The following MID1 variants were observed in gnomAD, a reference collection of about 807,000 sequenced individuals.
MID1 encodes the protein E3 ubiquitin-protein ligase Midline-1.
In MID1, 7 loss-of-function variants were observed where a neutral mutation model predicts 40.4. The ratio of observed to expected loss-of-function variants is 0.17; its 90% CI spans 0.10 to 0.33. The LOEUF (loss-of-function observed/expected upper bound fraction) is 0.33. Ranked by LOEUF, MID1 falls within the 10% of genes least tolerant of loss-of-function variation. MID1 has a pLI of 1.00. For synonymous variants in MID1, 229 were observed against 221.2 expected (o/e 1.04, Z -0.31); for missense variants, 367 against 558.5 (o/e 0.66, Z 3.46).
At chrX:10,722,794 C>T (rs946808256) in intron 1 of MID1, among the ~76,000 whole-genome samples, 8 of 111,902 alleles carry the variant, frequency 7.1e-5, no homozygotes, top group African/African-American at 2.3e-4. Flanking sequence ...TTGGGAGCCC[C>T]GGTCGGAACT....
chrX:10,577,184 G>C (rs1320073175), intron 1 of MID1, among the ~76,000 whole-genome samples: 3 of 111,770 alleles, frequency 2.7e-5, no homozygotes, highest in African/African-American at 9.8e-5. Flanking sequence ...TTCCTTACAG[G>C]GACCAGCAGC....
At chrX:10,692,706 T>C (rs183036600) in intron 1 of MID1, among the ~76,000 whole-genome samples, 1 of 112,301 alleles carries the variant, frequency 8.9e-6, no homozygotes, top group Non-Finnish European at 1.9e-5. Flanking sequence ...TTACAGCATA[T>C]ATCACATTGA....
In MID1 at chrX:10,709,370, C is replaced by T. The variant is rs746204112; in HGVS notation, c.-186-88951G>A. Among the ~76,000 whole-genome samples, 4 of 112,125 alleles carry T rather than the reference C, an allele frequency of 3.6e-5. No homozygotes were observed. The South Asian group carries it at 1.5e-3, about 42-fold the overall frequency. ...TTAGCTGATGGTATCTTTCCTTTTC[C>T]ACTGTTAGAAATATCATGTGTGCAA... On this transcript the variant is annotated intron_variant, in intron 1 of 10. Transcript: ENST00000380785.
At chrX:10,633,905 A>C (rs1000244705) in intron 1 of MID1, among the ~76,000 whole-genome samples, 2 of 111,463 alleles carry the variant, frequency 1.8e-5, no homozygotes, top group Non-Finnish European at 3.8e-5. Context: ...AATGTGAGAC[A>C]TTGTTATTTG....
intron 1 of MID1, among the ~76,000 whole-genome samples, chrX:10,638,373 C>A (rs183089409): frequency 1.8e-5 from 2 of 112,164 alleles, no homozygotes; most frequent in Non-Finnish European, 3.8e-5. Flanking sequence ...GCGCATGGCT[C>A]GGAGGGTCCC....
At chrX:10,546,698 T>C (rs775417250) in intron 2 of MID1, among the ~76,000 whole-genome samples, 2 of 111,783 alleles carry the variant, frequency 1.8e-5, no homozygotes, top group South Asian at 7.6e-4. Flanking sequence ...CTTTATTTCA[T>C]AAAATCCCTT....
chrX:10,803,630 C>T (rs1178561888), intron 1 of MID1, among the ~76,000 whole-genome samples: 2 of 111,596 alleles, frequency 1.8e-5, no homozygotes, highest in Non-Finnish European at 3.8e-5. Flanking sequence ...GGATTACAGG[C>T]GTGAGCCACC....
At chrX:10,730,221 G>A (rs1276068215) in intron 1 of MID1, among the ~76,000 whole-genome samples, 3 of 111,202 alleles carry the variant, frequency 2.7e-5, no homozygotes, top group South Asian at 3.8e-4. Context: ...AAATCTGGAT[G>A]CCCAATTTTT....
chrX:10,720,870 A>G (rs2043347606), intron 1 of MID1, among the ~76,000 whole-genome samples: 1 of 110,304 alleles, frequency 9.1e-6, no homozygotes, highest in South Asian at 4.0e-4. Flanking sequence ...ATGCAGCCAT[A>G]AAAAATGATG....
At chrX:10,536,117 C>G (rs1933242181) in intron 2 of MID1, among the ~76,000 whole-genome samples, 1 of 110,321 alleles carries the variant, frequency 9.1e-6, no homozygotes, top group South Asian at 3.9e-4. Context: ...CCCAGCAACT[C>G]CGGAGGATGA....
chrX:10,709,112 G>A (rs1403619872), intron 1 of MID1, among the ~76,000 whole-genome samples: 2 of 112,035 alleles, frequency 1.8e-5, no homozygotes, highest in Admixed American at 1.9e-4. Flanking sequence ...TACATCTGAT[G>A]GGGAGACATT....
intron 1 of MID1, among the ~76,000 whole-genome samples, chrX:10,590,848 T>A (rs1209874912): frequency 3.6e-5 from 4 of 112,266 alleles, no homozygotes; most frequent in Non-Finnish European, 1.9e-5. Context: ...TTATCCCTTA[T>A]CCCCAAGGGA....
chrX:10,619,140 G>A (rs1290415968), intron 1 of MID1, among the ~76,000 whole-genome samples: 1 of 111,920 alleles, frequency 8.9e-6, no homozygotes, highest in African/African-American at 3.3e-5. Context: ...GCAAGAAGGC[G>A]GAGGGTTTGC....
chrX:10,716,650 T>C (rs1234214219), intron 1 of MID1, among the ~76,000 whole-genome samples: 3 of 111,320 alleles, frequency 2.7e-5, no homozygotes, highest in Non-Finnish European at 5.7e-5. Flanking sequence ...ACTTCCCCAA[T>C]CTAGCAAGGC....
rs774183331 is a variant in MID1 at position 10,516,421 on chromosome X, C to T, written c.756+6671G>A. Among the ~76,000 whole-genome samples the T allele has an allele frequency of 4.0e-3, 436 of 109,193 alleles. 4 individuals are homozygous for T. The highest frequency in any genetic ancestry group is 0.014 in the African/African-American group (416 of 29,999). 94.8% of individuals were successfully genotyped at this position (109,193 alleles called of 115,157 possible). A position where few individuals can be genotyped will look rare whatever the true frequency, so the allele number is the denominator to read the frequency against. On this transcript the variant is annotated intron_variant, in intron 3 of 9. Coordinates refer to ENST00000317552, the MANE Select transcript of MID1 (RefSeq NM_000381.4). ...GTGTTAGCCAGGATGGTCTCGATCTCCTGACCTCGTGATCCACCCACCTGG... is the reference window on the plus strand; with the variant it reads ...GTGTTAGCCAGGATGGTCTCGATCTTCTGACCTCGTGATCCACCCACCTGG...
At chrX:10,465,214 T>TATATATATATATATATACACACACAC (rs1477864693) in intron 7 of MID1, among the ~76,000 whole-genome samples, 3 of 39,898 alleles carry the variant, frequency 7.5e-5, no homozygotes, top group Non-Finnish European at 1.2e-4. Context: ...TATATATATA[T>TATATATATATATATATACACACACAC]ACACACACAC....
rs1379599483 is a variant in MID1 at position 10,465,210 on chromosome X, TATATACACAC to T, written c.1285+4477_1285+4486del. Among the ~76,000 whole-genome samples the T allele has an allele frequency of 1.6e-3, 98 of 62,024 alleles. 1 individual carries two copies. The highest frequency in any genetic ancestry group is 8.1e-3 in the African/African-American group (88 of 10,911). The allele number at this position is 62,024 out of a possible 115,157, so 53.9% of individuals were successfully genotyped here. On this transcript the variant is annotated intron_variant, in intron 7 of 9. Coordinates refer to ENST00000317552, the MANE Select transcript of MID1 (RefSeq NM_000381.4). Reference sequence around the variant, plus strand: ...TTTTATATATATATATATATATATATATATACACACACACACACACACACACACACACACA... The same window carrying T: ...TTTTATATATATATATATATATATATACACACACACACACACACACACACA...
chrX:10,636,853 T>C lies in MID1; in HGVS notation c.-186-16434A>G, dbSNP rs538825252. Among the ~76,000 whole-genome samples, 5 of 90,866 alleles carry C rather than the reference T, an allele frequency of 5.5e-5. No individual in the cohort carries two copies. In the South Asian group the frequency reaches 2.9e-3, roughly 53 times the overall value. The allele number at this position is 90,866 out of a possible 115,157, so 78.9% of individuals were successfully genotyped here. On this transcript the variant is annotated intron_variant, in intron 1 of 10. Transcript: ENST00000380785. ...TGACTGACACCTGAAATTCTAATTTTTAAGCAATCTGAATATTTTGATTCT... is the reference window on the plus strand; with the variant it reads ...TGACTGACACCTGAAATTCTAATTTCTAAGCAATCTGAATATTTTGATTCT...
At chrX:10,779,081 T>C (rs2147131485) in intron 1 of MID1, among the ~76,000 whole-genome samples, 1 of 112,925 alleles carries the variant, frequency 8.9e-6, no homozygotes, top group East Asian at 2.8e-4. Flanking sequence ...TAGCAAGAAC[T>C]AGAAAGCAGC....
Sources: allele counts gnomAD v4.1 joint callset (sites outside exome capture counted in the v4.1 genomes callset), GRCh38; gene constraint gnomAD v4.1.1; transcripts MANE v1.5; gene names NCBI Gene and HGNC (gene_info 2026-07-23, HGNC 2026-07-21).